Variants in HS6ST3 observed in about 807,000 individuals in gnomAD.
HS6ST3 encodes the protein heparan sulfate 6-O-sulfotransferase 3.
A neutral mutation model predicts 36.7 loss-of-function variants in HS6ST3; 12 were observed. That is an observed-to-expected ratio of 0.33 (90% CI 0.21 to 0.53). The LOEUF (loss-of-function observed/expected upper bound fraction) is 0.53. Ranked by LOEUF, HS6ST3 falls within the 20% of genes least tolerant of loss-of-function variation. HS6ST3 has a pLI of 0.95. For synonymous variants in HS6ST3, 240 were observed against 257.5 expected (o/e 0.93, Z 0.65); for missense variants, 584 against 640.9 (o/e 0.91, Z 0.96).
intron 1 of HS6ST3, among the ~76,000 whole-genome samples, chr13:96,353,492 C>G (rs1177720924): frequency 6.6e-6 from 1 of 151,686 alleles, no homozygotes. Context: ...CACTAAAATT[C>G]CACGAATAAA....
intron 1 of HS6ST3, among the ~76,000 whole-genome samples, chr13:96,457,175 A>G (rs528604118): frequency 1.5e-3 from 227 of 152,242 alleles, no homozygotes; most frequent in African/African-American, 5.1e-3. Context: ...TCAGTGGACA[A>G]ACACTTATTC....
chr13:96,647,589 T>A (rs2056593298), intron 1 of HS6ST3, among the ~76,000 whole-genome samples: 1 of 152,068 alleles, frequency 6.6e-6, no homozygotes, highest in African/African-American at 2.4e-5. Context: ...TTGACCATTC[T>A]GAAAATCATA....
chr13:96,803,184 G>C (rs9582066), intron 1 of HS6ST3, among the ~76,000 whole-genome samples: 22,601 of 152,164 alleles, frequency 0.15, 2,850 homozygotes, highest in African/African-American at 0.34. Flanking sequence ...AGTGTTTGTT[G>C]ATGCCAGTGT....
rs565366828 is a variant in HS6ST3 at position 96,498,083 on chromosome 13, G to A, written c.708-334407G>A. On this transcript the variant is annotated intron_variant, in intron 1 of 1. Transcript: ENST00000376705. Reference sequence around the variant, plus strand: ...CAGGGGTAGAAAATGATTTTGGGGGGATTTCAGTGGGCTTGAAGAACACAC... The same window carrying A: ...CAGGGGTAGAAAATGATTTTGGGGGAATTTCAGTGGGCTTGAAGAACACAC... Among the ~76,000 whole-genome samples, 4 of 152,282 alleles carry A rather than the reference G, an allele frequency of 2.6e-5. No individual in the cohort carries two copies. The East Asian group carries it at 7.7e-4, about 29-fold the overall frequency.
chr13:96,521,375 A>G (rs1448835703), intron 1 of HS6ST3, among the ~76,000 whole-genome samples: 1 of 152,200 alleles, frequency 6.6e-6, no homozygotes, highest in Non-Finnish European at 1.5e-5. Context: ...AAAATGAGTT[A>G]GGGAGGATTC....
chr13:96,357,958 A>G (rs773465570), intron 1 of HS6ST3, among the ~76,000 whole-genome samples: 19 of 152,242 alleles, frequency 1.2e-4, no homozygotes, highest in Non-Finnish European at 2.4e-4. Context: ...AATTTCTAAC[A>G]TGTGACACAG....
intron 1 of HS6ST3, among the ~76,000 whole-genome samples, chr13:96,199,690 C>G (rs1337936202): frequency 1.3e-5 from 2 of 152,108 alleles, no homozygotes; most frequent in African/African-American, 4.8e-5. Flanking sequence ...GAGGCTCTGG[C>G]AAATTGTAAC....
intron 1 of HS6ST3, among the ~76,000 whole-genome samples, chr13:96,339,681 T>C (rs1004220690): frequency 6.6e-6 from 1 of 152,230 alleles, no homozygotes; most frequent in African/African-American, 2.4e-5. Context: ...ATTATAGCCA[T>C]GGCTGCCCAG....
chr13:96,548,097 G>GC (rs369498314), intron 1 of HS6ST3, among the ~76,000 whole-genome samples: 1 of 151,838 alleles, frequency 6.6e-6, no homozygotes, highest in African/African-American at 2.4e-5. Flanking sequence ...TCTCCTGCAC[G>GC]CCCCCCACAC....
chr13:96,217,291 G>A, intron 1 of HS6ST3, among the ~76,000 whole-genome samples: 1 of 152,126 alleles, frequency 6.6e-6, no homozygotes, highest in South Asian at 2.1e-4. Context: ...TGAAGAGAGG[G>A]TTTATTTTTC....
At chr13:96,624,488 T>G (rs2138996905) in intron 1 of HS6ST3, among the ~76,000 whole-genome samples, 1 of 152,312 alleles carries the variant, frequency 6.6e-6, no homozygotes, top group South Asian at 2.1e-4. Context: ...ATTTGCAGGT[T>G]TATCACAAGG....
chr13:96,387,325 T>G (rs1239635156), intron 1 of HS6ST3, among the ~76,000 whole-genome samples: 2 of 152,156 alleles, frequency 1.3e-5, no homozygotes, highest in Non-Finnish European at 2.9e-5. Context: ...TGACTCTGAT[T>G]TTTAAGTTAA....
intron 1 of HS6ST3, among the ~76,000 whole-genome samples, chr13:96,770,916 G>A (rs36099717): frequency 0.11 from 17,455 of 152,160 alleles, 1,258 homozygotes; most frequent in East Asian, 0.29. Flanking sequence ...GGCTTTCTTG[G>A]ATCAGCAATG....
rs1399883279 is a variant in HS6ST3, at chr13:96,329,017, C to T, written c.707+237448C>T. 1.3e-3 allele frequency among the ~76,000 whole-genome samples: 201 copies of T among 150,668 alleles called. 1 individual carries two copies. The highest frequency in any genetic ancestry group is 4.5e-3 in the African/African-American group (184 of 40,904). ...ATGGTAGTTTGTATTTCTGTGGGAT[C>T]GGTGGTGATATCCCCTTTATCATTT... is the stretch of plus-strand genomic sequence containing the variant. On this transcript the variant is annotated intron_variant, in intron 1 of 1. Transcript: ENST00000376705.
At chr13:96,275,970 G>A (rs1363494642) in intron 1 of HS6ST3, among the ~76,000 whole-genome samples, 1 of 151,974 alleles carries the variant, frequency 6.6e-6, no homozygotes, top group Admixed American at 6.6e-5. Flanking sequence ...AGAGTTGTGG[G>A]TATGGGGCAG....
intron 1 of HS6ST3, among the ~76,000 whole-genome samples, chr13:96,431,890 A>G (rs1039343457): frequency 1.6e-4 from 24 of 152,250 alleles, no homozygotes; most frequent in African/African-American, 5.5e-4. Context: ...TATAGTCATA[A>G]CTCAGTGGTC....
intron 1 of HS6ST3, among the ~76,000 whole-genome samples, chr13:96,420,266 G>C (rs1454618147): frequency 6.6e-6 from 1 of 152,064 alleles, no homozygotes; most frequent in Non-Finnish European, 1.5e-5. Context: ...GGGGATTACG[G>C]TACATCTTTG....
chr13:96,119,631 A>G (rs1386471030), intron 1 of HS6ST3, among the ~76,000 whole-genome samples: 1 of 152,172 alleles, frequency 6.6e-6, no homozygotes, highest in Non-Finnish European at 1.5e-5. Context: ...TGAAATTTGC[A>G]TCGGATCTAT....
chr13:96,189,602 C>G (rs1215839990), intron 1 of HS6ST3, among the ~76,000 whole-genome samples: 1 of 152,186 alleles, frequency 6.6e-6, no homozygotes, highest in African/African-American at 2.4e-5. Flanking sequence ...AATCAGTCAA[C>G]ATTTGCTGCA....
Sources: gnomAD v4.1 joint callset for allele counts (sites outside exome capture counted in the v4.1 genomes callset) on GRCh38, gnomAD v4.1.1 for gene constraint, MANE v1.5 for transcripts, NCBI Gene and HGNC (gene_info 2026-07-23, HGNC 2026-07-21) for gene names.